The following ATRX variants were observed in gnomAD, a reference collection of about 807,000 sequenced individuals.
The protein encoded by ATRX is chromatin remodeler ATRX.
ATRX carries 12 observed loss-of-function variants against 172.6 expected under a neutral mutation model. That is an observed-to-expected ratio of 0.07 (90% CI 0.04 to 0.11). ATRX has a LOEUF of 0.11. Ranked by LOEUF, ATRX falls within the 10% of genes least tolerant of loss-of-function variation. The pLI is 1.00. For synonymous variants in ATRX, 674 were observed against 594.7 expected (o/e 1.13, Z -1.94); for missense variants, 1,368 against 1,767.4 (o/e 0.77, Z 4.05).
intron 15 of ATRX, among the ~76,000 whole-genome samples, chrX:77,639,759 T>C (rs1400891117): frequency 3.6e-5 from 4 of 112,248 alleles, no homozygotes; most frequent in African/African-American, 1.3e-4. Flanking sequence ...ATCTGCCTAT[T>C]AGTGACTAAG....
intron 28 of ATRX, among the ~76,000 whole-genome samples, chrX:77,569,772 TG>T (rs1557066412): frequency 8.9e-6 from 1 of 112,186 alleles, no homozygotes; most frequent in Non-Finnish European, 1.9e-5. Context: ...AGACATACAC[TG>T]TGTTCACTGA....
chrX:77,617,724 C>CT (rs1193443032), intron 21 of ATRX, among the ~76,000 whole-genome samples: 8 of 109,868 alleles, frequency 7.3e-5, no homozygotes, highest in African/African-American at 2.0e-4. Context: ...TATTTTCTTT[C>CT]TTTTTTTTAA....
At chrX:77,602,594 G>C (rs2066722447) in intron 22 of ATRX, among the ~76,000 whole-genome samples, 1 of 109,715 alleles carries the variant, frequency 9.1e-6, no homozygotes, top group Non-Finnish European at 1.9e-5. Context: ...CCATATTCTA[G>C]TACCCTGTGT....
chrX:77,549,336 G>C (rs2064375083), intron 30 of ATRX, among the ~76,000 whole-genome samples: 1 of 111,977 alleles, frequency 8.9e-6, no homozygotes, highest in South Asian at 3.7e-4. Flanking sequence ...AGTGAACTGA[G>C]ATTGCAGCAC....
chrX:77,548,767 C>T (rs1339571527), intron 30 of ATRX, among the ~76,000 whole-genome samples: 1 of 112,362 alleles, frequency 8.9e-6, no homozygotes, highest in East Asian at 2.8e-4. Context: ...AATAACATCT[C>T]TGTTCAGTAA....
intron 25 of ATRX, chrX:77,596,090 A>G (rs782273083): frequency 1.8e-5 from 2 of 112,077 alleles, no homozygotes; most frequent in Non-Finnish European, 3.8e-5. Context: ...GAAAAACGAG[A>G]CAGCTACTAC....
chrX:77,777,218 A>C (rs1254688231), intron 1 of ATRX, among the ~76,000 whole-genome samples: 1 of 101,397 alleles, frequency 9.9e-6, no homozygotes, highest in Non-Finnish European at 2.0e-5. Context: ...AAAAAAAAAA[A>C]AAAAATACAA....
intron 34 of ATRX, among the ~76,000 whole-genome samples, chrX:77,513,316 CAAAAAAAAA>C (rs1217104194): frequency 3.9e-5 from 1 of 25,664 alleles, no homozygotes. Context: ...GACTCCGTCT[CAAAAAAAAA>C]AAAAAAAAAA....
intron 15 of ATRX, among the ~76,000 whole-genome samples, chrX:77,640,839 C>G (rs1044028693): frequency 3.6e-5 from 4 of 111,629 alleles, no homozygotes; most frequent in Non-Finnish European, 5.6e-5. Context: ...AAAATCAAGA[C>G]AGGATTCACT....
At position 77,547,943 on chromosome X, in the gene ATRX, G is replaced by A. The variant is rs1255850603; in HGVS notation, c.6699+9508C>T. Among the ~76,000 whole-genome samples, 5 of 111,688 alleles carry A rather than the reference G, an allele frequency of 4.5e-5. No individual in the cohort carries two copies. The South Asian group carries it at 1.1e-3, about 25-fold the overall frequency. Reference sequence around the variant, plus strand: ...AATGTAAGTCCATAAGTATTTCAGAGAAATGAACCTACTATAATGGTAATA... The same window carrying A: ...AATGTAAGTCCATAAGTATTTCAGAAAAATGAACCTACTATAATGGTAATA... On this transcript the variant is annotated intron_variant, in intron 30 of 34. Transcript: ENST00000373344.
chrX:77,761,917 G>A (rs1227279500), intron 1 of ATRX, among the ~76,000 whole-genome samples: 7 of 110,673 alleles, frequency 6.3e-5, no homozygotes, highest in Admixed American at 9.7e-5. Flanking sequence ...TTTTTTCCAC[G>A]TCTGGCTAAC....
intron 19 of ATRX, among the ~76,000 whole-genome samples, chrX:77,625,655 T>C (rs782652400): frequency 3.6e-5 from 4 of 111,593 alleles, no homozygotes; most frequent in Non-Finnish European, 7.5e-5. Context: ...ATGCTCAACA[T>C]CACTAATGAT....
At chrX:77,737,435 A>AGG (rs1210379916) in intron 1 of ATRX, among the ~76,000 whole-genome samples, 1,116 of 38,977 alleles carry the variant, frequency 0.029, 33 homozygotes, top group African/African-American at 0.089. Context: ...AAAAAAAAAA[A>AGG]GGGGGGGGGG....
chrX:77,570,642 G>A (rs782252591), intron 28 of ATRX, among the ~76,000 whole-genome samples: 21 of 111,744 alleles, frequency 1.9e-4, no homozygotes, highest in African/African-American at 6.8e-4. Flanking sequence ...CTAGGGCTTT[G>A]AGGAAGAGTT....
rs782049344 is a variant in ATRX, at chrX:77,687,022, T to C, written c.594+1796A>G. Among the ~76,000 whole-genome samples the C allele has an allele frequency of 3.7e-5, 4 of 107,159 alleles. No homozygotes were observed. In the South Asian group the frequency reaches 1.7e-3, roughly 45 times the overall value. 93.1% of individuals were successfully genotyped at this position (107,159 alleles called of 115,157 possible). Reference sequence around the variant, plus strand: ...TACAAAAATTAGCCAGGTGTGGTAGTGGACACCTGTAATCCCAGCTACTCG... The same window carrying C: ...TACAAAAATTAGCCAGGTGTGGTAGCGGACACCTGTAATCCCAGCTACTCG... On this transcript the variant is annotated intron_variant, in intron 7 of 34. Coordinates refer to ENST00000373344, the MANE Select transcript of ATRX (RefSeq NM_000489.6).
At chrX:77,754,406 G>A (rs896981960) in intron 1 of ATRX, among the ~76,000 whole-genome samples, 2 of 111,597 alleles carry the variant, frequency 1.8e-5, no homozygotes, top group African/African-American at 3.3e-5. Flanking sequence ...TATTCTGACC[G>A]TTAGTTGATG....
At chrX:77,587,114 A>G (rs1557077535) in intron 27 of ATRX, among the ~76,000 whole-genome samples, 1 of 111,450 alleles carries the variant, frequency 9.0e-6, no homozygotes, top group African/African-American at 3.3e-5. Flanking sequence ...TAAGTTATGT[A>G]CAGCCATATG....
At chrX:77,646,048 A>C (rs782520370) in intron 15 of ATRX, among the ~76,000 whole-genome samples, 44 of 112,156 alleles carry the variant, frequency 3.9e-4, no homozygotes, top group African/African-American at 1.4e-3. Context: ...GGAGGAAATA[A>C]TGAACAAAAT....
chrX:77,739,444 T>G (rs782805442), intron 1 of ATRX, among the ~76,000 whole-genome samples: 1 of 109,479 alleles, frequency 9.1e-6, no homozygotes, highest in Admixed American at 1.0e-4. Context: ...CATTTGCAAT[T>G]ATTTAATTTT....
Sources: allele counts gnomAD v4.1 joint callset (sites outside exome capture counted in the v4.1 genomes callset), GRCh38; gene constraint gnomAD v4.1.1; transcripts MANE v1.5; gene names NCBI Gene and HGNC (gene_info 2026-07-23, HGNC 2026-07-21).